The following PFDN1 variants were observed in gnomAD, a reference collection of about 807,000 sequenced individuals.
PFDN1 encodes prefoldin 1.
Under a neutral mutation model 17.3 loss-of-function variants are expected in PFDN1, and 6 were observed. The ratio of observed to expected loss-of-function variants is 0.35; its 90% CI spans 0.19 to 0.69. The LOEUF (loss-of-function observed/expected upper bound fraction) is 0.69. PFDN1 is among the 30% of genes least tolerant of loss of function. The pLI is 0.65. For missense variants in PFDN1, 113 were observed against 146.2 expected, an observed-to-expected ratio of 0.77 and a Z score of 1.17; for synonymous variants, 58 against 50.1, an observed-to-expected ratio of 1.16 and a Z score of -0.67.
intron 2 of PFDN1, among the ~76,000 whole-genome samples, chr5:140,284,086 A>G (rs1765450931): frequency 6.6e-6 from 1 of 152,246 alleles, no homozygotes; most frequent in Admixed American, 6.5e-5. Flanking sequence ...AACAGATACT[A>G]AATCTCTTGA....
At chr5:140,287,039 A>C (rs1765506248) in intron 2 of PFDN1, among the ~76,000 whole-genome samples, 1 of 152,204 alleles carries the variant, frequency 6.6e-6, no homozygotes, top group Non-Finnish European at 1.5e-5. Flanking sequence ...AGTGGCTCTA[A>C]TGTAAGTTAT....
chr5:140,276,892 A>G (rs1011288318), intron 3 of PFDN1, among the ~76,000 whole-genome samples: 1 of 151,894 alleles, frequency 6.6e-6, no homozygotes, highest in African/African-American at 2.4e-5. Context: ...AACAGAAATC[A>G]TATCTTTAAA....
In PFDN1 at chr5:140,254,414, T is replaced by C. The variant is rs1764957619; in HGVS notation, c.286-8357A>G. On this transcript the variant is annotated intron_variant, in intron 3 of 3. Coordinates refer to ENST00000261813, the MANE Select transcript of PFDN1 (RefSeq NM_002622.5). The surrounding 1 kb of genome is among the most constrained non-coding windows in gnomAD (Gnocchi z 4.4). ...ACCATTTCCCCTCCTTTATCCTTCA[T>C]AAACCCTGGTCCTTGAAGTTCATGG... Among the ~76,000 whole-genome samples, 1 of 152,162 alleles carries C rather than the reference T, an allele frequency of 6.6e-6. No homozygotes were observed. The highest frequency in any genetic ancestry group is 2.4e-5 in the African/African-American group (1 of 41,430).
intron 3 of PFDN1, among the ~76,000 whole-genome samples, chr5:140,251,042 C>T (rs997019795): frequency 6.6e-6 from 1 of 152,082 alleles, no homozygotes; most frequent in Non-Finnish European, 1.5e-5. Context: ...TTAAGCAATT[C>T]TCCCATCTCA....
At chr5:140,266,166 A>G (rs549437570) in intron 3 of PFDN1, among the ~76,000 whole-genome samples, 1 of 152,278 alleles carries the variant, frequency 6.6e-6, no homozygotes, top group South Asian at 2.1e-4. Flanking sequence ...TTTGGGCCTT[A>G]ATCACAGGCC....
intron 2 of PFDN1, among the ~76,000 whole-genome samples, chr5:140,294,670 A>T (rs1432059002): frequency 6.6e-6 from 1 of 152,098 alleles, no homozygotes; most frequent in East Asian, 1.9e-4. Context: ...CAACCTAAAC[A>T]GTTGAAAAAC....
chr5:140,262,215 C>T (rs1033385216), intron 3 of PFDN1, among the ~76,000 whole-genome samples: 2 of 152,070 alleles, frequency 1.3e-5, no homozygotes, highest in South Asian at 2.1e-4. Flanking sequence ...AGCTGGTATT[C>T]GGGGGTTATC....
chr5:140,284,599 T>G (rs2126694948), intron 2 of PFDN1, among the ~76,000 whole-genome samples: 1 of 152,360 alleles, frequency 6.6e-6, no homozygotes, highest in East Asian at 1.9e-4. Flanking sequence ...AATCTCATAG[T>G]CATTCTGCCT....
intron 3 of PFDN1, among the ~76,000 whole-genome samples, chr5:140,255,735 C>T (rs1247091198): frequency 6.6e-6 from 1 of 152,080 alleles, no homozygotes; most frequent in Non-Finnish European, 1.5e-5. Context: ...TACCATTAAC[C>T]TTCCTTTCTT....
At chr5:140,261,179 AAAG>A (rs1343373806) in intron 3 of PFDN1, among the ~76,000 whole-genome samples, 2,884 of 149,842 alleles carry the variant, frequency 0.019, 87 homozygotes, top group African/African-American at 0.069. Context: ...AAAAAAAAAA[AAAG>A]AAAGGATATT....
In PFDN1 at chr5:140,300,451, T is replaced by C. The variant is rs746812576; in HGVS notation, c.165A>G (p.Val55=). 6 of 1,611,132 alleles carry C rather than the reference T, an allele frequency of 3.7e-6. No homozygotes were observed. The highest frequency in any genetic ancestry group is 5.1e-6 in the Non-Finnish European group (6 of 1,177,480). Residue 55 remains valine, a synonymous_variant, in exon 2 of 4, where the codon GTA becomes GTG. Coordinates refer to ENST00000261813, the MANE Select transcript of PFDN1 (RefSeq NM_002622.5). ...HLTDTEIMTL[V]DETNMYEGVG... is the part of the protein sequence containing the mutation. ...CACCTTCATACATGTTAGTCTCATCTACCAAAGTCATGATCTCTGTATCTG... is the reference window on the plus strand; with the variant it reads ...CACCTTCATACATGTTAGTCTCATCCACCAAAGTCATGATCTCTGTATCTG...
intron 2 of PFDN1, among the ~76,000 whole-genome samples, chr5:140,284,533 G>A (rs1172455947): frequency 2.0e-5 from 3 of 152,186 alleles, no homozygotes. Flanking sequence ...GATTTATCAT[G>A]ATAATATAAG....
chr5:140,279,295 G>A (rs1158956605), intron 3 of PFDN1, among the ~76,000 whole-genome samples: 1 of 151,978 alleles, frequency 6.6e-6, no homozygotes, highest in African/African-American at 2.4e-5. Context: ...TACTTCTATT[G>A]CTTTTATAAT....
intron 3 of PFDN1, among the ~76,000 whole-genome samples, chr5:140,277,471 G>A (rs1320533672): frequency 6.6e-6 from 1 of 151,492 alleles, no homozygotes; most frequent in Non-Finnish European, 1.5e-5. Context: ...ACAAAATAAG[G>A]AAGAAGTAAT....
intron 2 of PFDN1, among the ~76,000 whole-genome samples, chr5:140,287,452 C>A (rs1765515175): frequency 6.6e-6 from 1 of 152,130 alleles, no homozygotes; most frequent in Non-Finnish European, 1.5e-5. Flanking sequence ...ACGGTAACAC[C>A]TCAGTAGTAA....
intron 3 of PFDN1, among the ~76,000 whole-genome samples, chr5:140,271,504 T>A (rs1474963124): frequency 6.6e-6 from 1 of 152,144 alleles, no homozygotes. Flanking sequence ...TAAAAAGACA[T>A]CCATAAGTGT....
At chr5:140,250,377 T>C (rs989605769) in intron 3 of PFDN1, among the ~76,000 whole-genome samples, 2 of 152,192 alleles carry the variant, frequency 1.3e-5, no homozygotes, top group African/African-American at 4.8e-5. Flanking sequence ...AGAAGTTCTC[T>C]TCCCCAGATA....
In PFDN1 at chr5:140,246,043, G is replaced by A; in HGVS notation, c.300C>T (p.Tyr100=). The A allele has an allele frequency of 2.6e-6, 4 of 1,558,812 alleles. No individual in the cohort carries two copies. Among genetic ancestry groups the A allele is most frequent in the Admixed American group, 1.9e-5 (1 of 52,136 alleles). The part of the protein sequence containing the change: ...KIKELEQKKS[Y]LERSVKEAED... The stretch of plus-strand genomic sequence containing the variant: ...CAGCTTCCTTAACGCTTCGCTCCAG[G>A]TAGGACTTTTTCTGCTGCAATATGA... The change falls in exon 4 of 4, where the codon TAC becomes TAT. Residue 100 remains tyrosine, a synonymous_variant. Transcript: ENST00000261813.
At chr5:140,285,796 CCT>C in intron 2 of PFDN1, among the ~76,000 whole-genome samples, 1 of 152,036 alleles carries the variant, frequency 6.6e-6, no homozygotes, top group East Asian at 1.9e-4. Context: ...ATCCTGGAGA[CCT>C]TAAGTATCCA....
Sources: allele counts gnomAD v4.1 joint callset (sites outside exome capture counted in the v4.1 genomes callset), GRCh38; gene constraint gnomAD v4.1.1; non-coding constraint Gnocchi (gnomAD v3.1); transcripts MANE v1.5; gene names NCBI Gene and HGNC (gene_info 2026-07-23, HGNC 2026-07-21).